Variants in BCKDHB observed in about 807,000 individuals in gnomAD.
The protein encoded by BCKDHB is 2-oxoisovalerate dehydrogenase subunit beta, mitochondrial.
A neutral mutation model predicts 48.5 loss-of-function variants in BCKDHB; 41 were observed. The observed-to-expected ratio is 0.85, with a 90% CI of 0.66 to 1.10. The LOEUF is 1.10. Among genes scored for constraint, BCKDHB ranks in the 50% least tolerant of loss-of-function variants. The probability of loss-of-function intolerance (pLI) is 0.00; values close to 1 mark genes in which losing one functional copy is unlikely to be tolerated. For synonymous variants in BCKDHB, 201 were observed against 174.8 expected (o/e 1.15, Z -1.18); for missense variants, 496 against 494.2 (o/e 1.00, Z -0.03).
intron 9 of BCKDHB, among the ~76,000 whole-genome samples, chr6:80,280,356 A>G (rs1028789918): frequency 1.3e-5 from 2 of 152,218 alleles, no homozygotes; most frequent in African/African-American, 4.8e-5. Flanking sequence ...ATATAGATTT[A>G]AAAGTTAGAA....
chr6:80,334,892 GTA>G (rs988043572), intron 9 of BCKDHB, among the ~76,000 whole-genome samples: 1 of 151,390 alleles, frequency 6.6e-6, no homozygotes, highest in African/African-American at 2.4e-5. Context: ...TTTTTTATAT[GTA>G]TATATATATA....
chr6:80,192,231 T>C (rs955988908), intron 6 of BCKDHB, among the ~76,000 whole-genome samples: 1 of 152,198 alleles, frequency 6.6e-6, no homozygotes, highest in African/African-American at 2.4e-5. Context: ...ATGCCCTTTA[T>C]TGAAATATTT....
intron 8 of BCKDHB, among the ~76,000 whole-genome samples, chr6:80,206,747 T>G (rs1562136481): frequency 6.6e-6 from 1 of 151,898 alleles, no homozygotes; most frequent in Admixed American, 6.6e-5. Flanking sequence ...GAAAAGAGGA[T>G]AAAACACATT....
intron 8 of BCKDHB, among the ~76,000 whole-genome samples, chr6:80,243,012 G>T (rs1776452166): frequency 6.6e-6 from 1 of 152,078 alleles, no homozygotes; most frequent in African/African-American, 2.4e-5. Flanking sequence ...TCTCAATTGG[G>T]GTTAATCGGG....
intron 1 of BCKDHB, among the ~76,000 whole-genome samples, chr6:80,121,141 T>G (rs1769994636): frequency 6.6e-6 from 1 of 152,062 alleles, no homozygotes; most frequent in Non-Finnish European, 1.5e-5. Flanking sequence ...ATTTCTTATT[T>G]TTGTCAGGTT....
chr6:80,414,862 G>A, the BCKDHB span, among the ~76,000 whole-genome samples: 1 of 152,096 alleles, frequency 6.6e-6, no homozygotes, highest in Non-Finnish European at 1.5e-5. Flanking sequence ...GACATTACAA[G>A]GATATTGAAT....
the BCKDHB span, among the ~76,000 whole-genome samples, chr6:80,425,705 A>G: frequency 1.3e-5 from 2 of 152,120 alleles, no homozygotes; most frequent in South Asian, 2.1e-4. Flanking sequence ...TACAACTACA[A>G]CATCAGTTGT....
At chr6:80,176,892 C>G (rs1773181226) in intron 6 of BCKDHB, among the ~76,000 whole-genome samples, 1 of 152,066 alleles carries the variant, frequency 6.6e-6, no homozygotes, top group Non-Finnish European at 1.5e-5. Flanking sequence ...AAGCTATAAA[C>G]CCATGTAGAC....
intron 8 of BCKDHB, among the ~76,000 whole-genome samples, chr6:80,238,748 C>A (rs998010940): frequency 2.9e-4 from 37 of 125,826 alleles, no homozygotes; most frequent in Non-Finnish European, 5.3e-4. Flanking sequence ...TATCCCTCCC[C>A]CCTCCTCCCA....
chr6:80,449,766 C>G, the BCKDHB span, among the ~76,000 whole-genome samples: 1 of 152,118 alleles, frequency 6.6e-6, no homozygotes, highest in African/African-American at 2.4e-5. Context: ...TTATAACTAG[C>G]CATTAATCCA....
rs117048189 is a variant in BCKDHB at position 80,279,831 on chromosome 6, C to T, written c.1038+6610C>T. On this transcript the variant is annotated intron_variant, in intron 9 of 9. Transcript: ENST00000320393. ...GAGACACTTAGAGTTTATTAGAAGT[C>T]GATGATAAACAGGTAGTTATAGTAC... 9.5e-3 allele frequency among the ~76,000 whole-genome samples: 1,443 copies of T among 152,080 alleles called. 8 individuals carry two copies. The highest frequency in any genetic ancestry group is 0.015 in the Non-Finnish European group (1,009 of 67,988).
At chr6:80,430,937 G>C in the BCKDHB span, among the ~76,000 whole-genome samples, 3 of 151,730 alleles carry the variant, frequency 2.0e-5, no homozygotes, top group Non-Finnish European at 4.4e-5. Context: ...TATCTTTCCT[G>C]TCTTCTCTTG....
intron 3 of BCKDHB, among the ~76,000 whole-genome samples, chr6:80,147,297 G>C (rs982129406): frequency 7.2e-5 from 11 of 152,130 alleles, no homozygotes; most frequent in Non-Finnish European, 1.6e-4. Flanking sequence ...TAAGTTTGAA[G>C]AAACTGATTG....
At chr6:80,281,452 T>A (rs912568403) in intron 9 of BCKDHB, among the ~76,000 whole-genome samples, 5 of 152,146 alleles carry the variant, frequency 3.3e-5, no homozygotes, top group African/African-American at 1.2e-4. Context: ...TAAAGACTAA[T>A]GGTCCTACCT....
chr6:80,152,250 A>G (rs1771821825), intron 3 of BCKDHB, among the ~76,000 whole-genome samples: 1 of 152,084 alleles, frequency 6.6e-6, no homozygotes, highest in Admixed American at 6.6e-5. Context: ...CCAAACTCCA[A>G]CTTTAATCTC....
intron 3 of BCKDHB, among the ~76,000 whole-genome samples, chr6:80,131,939 C>T (rs1268967398): frequency 2.6e-5 from 4 of 152,190 alleles, no homozygotes; most frequent in Admixed American, 6.5e-5. Context: ...CTGCGCCTGG[C>T]TACCAAAGAC....
At chr6:80,124,832 A>T (rs1286820827) in intron 1 of BCKDHB, among the ~76,000 whole-genome samples, 2 of 152,286 alleles carry the variant, frequency 1.3e-5, no homozygotes, top group African/African-American at 2.4e-5. Flanking sequence ...TAGATGTGCT[A>T]TCATTCAGGG....
the BCKDHB span, among the ~76,000 whole-genome samples, chr6:80,422,869 G>A: frequency 6.6e-6 from 1 of 152,148 alleles, no homozygotes; most frequent in African/African-American, 2.4e-5. Context: ...GACTTTGCTT[G>A]TCTCAGATGA....
rs183063590 is a variant in BCKDHB, at chr6:80,217,165, C to T, written c.951+13953C>T. On this transcript the variant is annotated intron_variant, in intron 8 of 9. Coordinates refer to ENST00000320393, the MANE Select transcript of BCKDHB (RefSeq NM_183050.4). Reference sequence around the variant, plus strand: ...GCTGGGGCAGAGAAACTCTTGAACCCGGGAGGCAGAGGTTGCAGTGAGCCG... The same window carrying T: ...GCTGGGGCAGAGAAACTCTTGAACCTGGGAGGCAGAGGTTGCAGTGAGCCG... Among the ~76,000 whole-genome samples, 458 of 151,984 alleles carry T rather than the reference C, an allele frequency of 3.0e-3. 1 individual carries two copies. Among genetic ancestry groups the T allele is most frequent in the African/African-American group, 0.011 (437 of 41,450 alleles).
Sources: gnomAD v4.1 joint callset for allele counts (sites outside exome capture counted in the v4.1 genomes callset) on GRCh38, gnomAD v4.1.1 for gene constraint, MANE v1.5 for transcripts, NCBI Gene and HGNC (gene_info 2026-07-23, HGNC 2026-07-21) for gene names.